Variants in SPRING1 observed in about 807,000 individuals in gnomAD.
SPRING1 encodes SREBP regulating gene protein.
A neutral mutation model predicts 24.7 loss-of-function variants in SPRING1; 14 were observed. That is an observed-to-expected ratio of 0.57 (90% confidence interval 0.37 to 0.88). The LOEUF (loss-of-function observed/expected upper bound fraction) is 0.88, where lower values mean the gene tolerates loss of function less well. SPRING1 is among the 40% of genes least tolerant of loss of function. The probability of loss-of-function intolerance (pLI) is 0.00; values close to 1 mark genes in which losing one functional copy is unlikely to be tolerated. For missense variants in SPRING1, 255 were observed against 268.4 expected (o/e 0.95, Z 0.35); for synonymous variants, 93 against 106.1 (o/e 0.88, Z 0.76).
intron 2 of SPRING1, among the ~76,000 whole-genome samples, chr12:116,721,734 G>A (rs1870445137): frequency 6.6e-6 from 1 of 152,166 alleles, no homozygotes; most frequent in South Asian, 2.1e-4. Flanking sequence ...AAGTTAGTTA[G>A]CATTTTCCTC....
In SPRING1 at chr12:116,728,808, T is replaced by C. The variant is rs1870831674; in HGVS notation, c.112-5585A>G. The stretch of plus-strand genomic sequence containing the variant: ...CTAGGGAGTGGAAGACCACCCAAAC[T>C]GAGGCCAGCTGAGCAGGGACGGCCA... On this transcript the variant is annotated intron_variant, in intron 1 of 4. Transcript: ENST00000261318. This position sits in a 1 kb window ranked among gnomAD's most constrained non-coding sequence, Gnocchi z 4.2. Among the ~76,000 whole-genome samples the C allele has an allele frequency of 6.6e-6, 1 of 152,150 alleles. No individual in the cohort carries two copies. Among genetic ancestry groups the C allele is most frequent in the South Asian group, 2.1e-4 (1 of 4,836 alleles).
At chr12:116,734,257 G>C (rs113209554) in intron 1 of SPRING1, among the ~76,000 whole-genome samples, 24 of 152,160 alleles carry the variant, frequency 1.6e-4, no homozygotes, top group African/African-American at 5.3e-4. Flanking sequence ...ACCTTCCATC[G>C]TGTTGCAATC....
rs1206931111 is a variant in SPRING1, at chr12:116,738,019, C to G, written c.-119G>C. 6 of 1,112,214 alleles carry G rather than the reference C, an allele frequency of 5.4e-6. No individual in the cohort carries two copies. In the African/African-American group the frequency reaches 6.6e-5, roughly 12 times the overall value. The allele number at this position is 1,112,214 out of a possible 1,614,324, so 68.9% of individuals were successfully genotyped here. ...CCCTCCAGGCAGGCGCCGGCCCCGC[C>G]GCCCGCAGCCCAGTCTGCTCCCGGC... On this transcript the variant is annotated 5_prime_UTR_variant, in exon 1 of 5. Transcript: ENST00000261318.
chr12:116,719,066 T>C (rs1870294180), intron 4 of SPRING1, among the ~76,000 whole-genome samples: 1 of 152,136 alleles, frequency 6.6e-6, no homozygotes, highest in African/African-American at 2.4e-5. Context: ...ACACCATGAA[T>C]AGGAGCCAGA....
rs7294550 is a variant in SPRING1, at chr12:116,718,953, T to C, written c.534+810A>G. Among the ~76,000 whole-genome samples the C allele has an allele frequency of 7.0e-3, 1,067 of 152,314 alleles. 12 individuals are homozygous for C. Among genetic ancestry groups the C allele is most frequent in the African/African-American group, 0.025 (1,021 of 41,562 alleles). On this transcript the variant is annotated intron_variant, in intron 4 of 4. Coordinates refer to ENST00000261318, the MANE Select transcript of SPRING1 (RefSeq NM_024738.4). ...CAAACCAGAGACATGAGAAGGGGCA[T>C]AAAATCCAAAGGTGGACTACAGAAA... is the stretch of plus-strand genomic sequence containing the variant.
chr12:116,737,738 G>A, intron 1 of SPRING1, 52 bp downstream of exon 1: 1 of 1,502,990 alleles, frequency 6.7e-7, no homozygotes, highest in Non-Finnish European at 8.9e-7. Flanking sequence ...TAAAGTAAGG[G>A]GGAGGAAGGA....
At position 116,711,025 on chromosome 12, in the gene SPRING1, A is replaced by ACACACGCACG. The variant is rs36071252; in HGVS notation, c.*6784_*6785insCGTGCGTGTG. The ACACACGCACG allele has an allele frequency of 8.0e-5, 12 of 150,930 alleles. No individual in the cohort carries two copies. The highest frequency in any genetic ancestry group is 2.7e-4 in the African/African-American group (11 of 41,010). 9.3% of individuals were successfully genotyped at this position (150,930 alleles called of 1,614,324 possible). ...TTTTGTTACACACACACACACACACACACGCACACACAGAGCCAATGTATG... is the reference window on the plus strand; with the variant it reads ...TTTTGTTACACACACACACACACACACACACGCACGCACGCACACACAGAGCCAATGTATG... On this transcript the variant is annotated 3_prime_UTR_variant, in exon 5 of 5. Coordinates refer to ENST00000261318, the MANE Select transcript of SPRING1 (RefSeq NM_024738.4).
At chr12:116,730,997 A>C (rs1870947162) in intron 1 of SPRING1, among the ~76,000 whole-genome samples, 1 of 152,280 alleles carries the variant, frequency 6.6e-6, no homozygotes, top group South Asian at 2.1e-4. Context: ...CATGAAAAAA[A>C]GTGGCTACTT....
intron 4 of SPRING1, 70 bp downstream of exon 4, chr12:116,719,693 T>C: frequency 1.6e-6 from 2 of 1,279,312 alleles, no homozygotes; most frequent in South Asian, 1.2e-5. Flanking sequence ...GGATCGACAG[T>C]GTGTATTTTC....
chr12:116,734,709 G>A (rs1179449410), intron 1 of SPRING1, among the ~76,000 whole-genome samples: 1 of 152,160 alleles, frequency 6.6e-6, no homozygotes, highest in African/African-American at 2.4e-5. Context: ...AAATGAACAA[G>A]AAATGTTCAG....
intron 1 of SPRING1, among the ~76,000 whole-genome samples, chr12:116,730,759 C>T (rs939395603): frequency 1.3e-5 from 2 of 152,170 alleles, no homozygotes; most frequent in Non-Finnish European, 2.9e-5. Flanking sequence ...GTTAATATCA[C>T]CAGGGATTTA....
At position 116,727,884 on chromosome 12, in the gene SPRING1, T is replaced by C. The variant is rs187386124; in HGVS notation, c.112-4661A>G. ...CGAGACAAACATTCTGCAATATATA[T>C]ATATCTCTCTCTCTTAATAATCAGT... On this transcript the variant is annotated intron_variant, in intron 1 of 4. Coordinates refer to ENST00000261318, the MANE Select transcript of SPRING1 (RefSeq NM_024738.4). Among the ~76,000 whole-genome samples the C allele has an allele frequency of 1.3e-3, 191 of 152,258 alleles. 1 individual carries two copies. The highest frequency in any genetic ancestry group is 4.4e-3 in the African/African-American group (183 of 41,544).
intron 1 of SPRING1, among the ~76,000 whole-genome samples, chr12:116,736,278 G>T (rs1871215566): frequency 6.6e-6 from 1 of 152,124 alleles, no homozygotes. Context: ...TAGAGAGGAA[G>T]GCAGAGGACG....
rs1455299356 is a variant in SPRING1 at position 116,737,985 on chromosome 12, C to A, written c.-85G>T. The A allele has an allele frequency of 7.5e-6, 9 of 1,192,132 alleles. No individual in the cohort carries two copies. The South Asian group carries it at 1.1e-4, about 15-fold the overall frequency. The allele number at this position is 1,192,132 out of a possible 1,614,324, so 73.8% of individuals were successfully genotyped here. A position where few individuals can be genotyped will look rare whatever the true frequency, so the allele number is the denominator to read the frequency against. On this transcript the variant is annotated 5_prime_UTR_variant, in exon 1 of 5. Coordinates refer to ENST00000261318, the MANE Select transcript of SPRING1 (RefSeq NM_024738.4). Reference sequence around the variant, plus strand: ...GGCGGCATGGCCCCTACGCGCCCGGCAGCCCCATCCCTCCAGGCAGGCGCC... The same window carrying A: ...GGCGGCATGGCCCCTACGCGCCCGGAAGCCCCATCCCTCCAGGCAGGCGCC...
chr12:116,719,913 C>G lies in SPRING1; in HGVS notation c.421-37G>C, dbSNP rs189446899. 1,031 of 1,557,972 alleles carry G rather than the reference C, an allele frequency of 6.6e-4. 9 individuals are homozygous for G. The African/African-American group carries it at 0.013, about 19-fold the overall frequency. ...AAAGTTAGTGCCTGTAATAAATTAC[C>G]TAAGCCAGCACAAGGTGACCTTGGC... is the stretch of plus-strand genomic sequence containing the variant. On this transcript the variant is annotated intron_variant, in intron 3 of 4. Coordinates refer to ENST00000261318, the MANE Select transcript of SPRING1 (RefSeq NM_024738.4).
chr12:116,718,371 C>T (rs536117564), intron 4 of SPRING1, among the ~76,000 whole-genome samples: 1 of 152,206 alleles, frequency 6.6e-6, no homozygotes, highest in South Asian at 2.1e-4. Context: ...CCTACAATAC[C>T]ATGCAAGCCT....
intron 2 of SPRING1, among the ~76,000 whole-genome samples, chr12:116,722,620 T>G (rs997644050): frequency 3.3e-5 from 5 of 152,264 alleles, no homozygotes; most frequent in Non-Finnish European, 7.3e-5. Flanking sequence ...GAGTTGGGAA[T>G]GCATTCTGGT....
intron 1 of SPRING1, among the ~76,000 whole-genome samples, chr12:116,737,331 G>A (rs1212461225): frequency 6.6e-6 from 1 of 152,078 alleles, no homozygotes; most frequent in Non-Finnish European, 1.5e-5. Context: ...AGGAGGAAGG[G>A]AAGGAAGGAG....
rs1258681849 is a variant in SPRING1, at chr12:116,737,847, C to G, written c.54G>C (p.Val18=). The G allele has an allele frequency of 6.3e-7, 1 of 1,588,436 alleles. No individual in the cohort carries two copies. The highest frequency in any genetic ancestry group is 1.7e-5 in the Admixed American group (1 of 58,002). ...GCGACAGCCCGAAGACCAGGGCGAG[C>G]ACCCACCTCTTCCGCAGAAGCCGGC... ...VWRRLLRKRW[V]LALVFGLSLV... Residue 18 remains valine, a synonymous_variant, in exon 1 of 5, where the codon GTG becomes GTC. Transcript: ENST00000261318.
Sources: allele counts gnomAD v4.1 joint callset (sites outside exome capture counted in the v4.1 genomes callset), GRCh38; gene constraint gnomAD v4.1.1; non-coding constraint Gnocchi (gnomAD v3.1); transcripts MANE v1.5; gene names NCBI Gene and HGNC (gene_info 2026-07-23, HGNC 2026-07-21).